Variants in ZNF574 observed in about 807,000 individuals in gnomAD.
The protein encoded by ZNF574 is zinc finger protein 574.
ZNF574 carries 25 observed loss-of-function variants against 56.6 expected under a neutral mutation model. The ratio of observed to expected loss-of-function variants is 0.44; its 90% CI spans 0.32 to 0.62. The LOEUF is 0.62. Among genes scored for constraint, ZNF574 ranks in the 20% least tolerant of loss-of-function variants. The pLI is 0.04. For missense variants in ZNF574, 1,065 were observed against 1,218.9 expected (o/e 0.87, Z 1.88); for synonymous variants, 543 against 492.1 (o/e 1.10, Z -1.37).
rs1427797529 is a variant in ZNF574 at position 42,079,094 on chromosome 19, G to C, written c.488G>C (p.Gly163Ala). 1 of 1,614,140 alleles carries C rather than the reference G, an allele frequency of 6.2e-7. No homozygotes were observed. The highest frequency in any genetic ancestry group is 1.1e-5 in the South Asian group (1 of 91,082). ...PTKAPAPVVLGSPVVLGPPVG... is the reference protein window; with the variant it reads ...PTKAPAPVVLASPVVLGPPVG... ...AAGGCTCCTGCCCCTGTTGTCCTGG[G>C]GTCCCCAGTTGTTCTAGGGCCTCCT... The change falls in exon 2 of 2, where the codon GGG becomes GCG. Residue 163 changes from glycine (G) to alanine (A), a missense_variant. Transcript: ENST00000359044. This position sits in a 1 kb window ranked among gnomAD's most constrained non-coding sequence, Gnocchi z 4.3.
chr19:42,071,410 C>A (rs1447659475), upstream of ZNF574, among the ~76,000 whole-genome samples: 1 of 152,138 alleles, frequency 6.6e-6, no homozygotes, highest in African/African-American at 2.4e-5. Context: ...CACTCACGTG[C>A]GGCCCACAGC....
At chr19:42,078,077 G>A (rs554728971) in intron 1 of ZNF574, among the ~76,000 whole-genome samples, 1 of 152,048 alleles carries the variant, frequency 6.6e-6, no homozygotes, top group African/African-American at 2.4e-5. Flanking sequence ...TGGTCTGAGT[G>A]TAAAAAGAAG....
Position 42,081,147 on chromosome 19 carries a change from G to A in ZNF574, c.2541G>A (p.Gln847=). ...AGCACCGCAAGACCCATCAGCAGCA[G>A]CATCAGGCAGCTGTGCGGCAGCAGC... ...LWKHRKTHQQ[Q]HQAAVRQQLA... Residue 847 remains glutamine (Q), a synonymous_variant, in exon 2 of 2, where the codon CAG becomes CAA. Transcript: ENST00000359044. 6.2e-7 allele frequency: 1 copy of A among 1,614,124 alleles called. No homozygotes were observed. The highest frequency in any genetic ancestry group is 8.5e-7 in the Non-Finnish European group (1 of 1,180,050).
In ZNF574 at chr19:42,079,080, C is replaced by T. The variant is rs374796869; in HGVS notation, c.474C>T (p.Ala158=). The change falls in exon 2 of 2, where the codon GCC becomes GCT. Residue 158 remains alanine, a synonymous_variant. Transcript: ENST00000359044. The surrounding 1 kb of genome is among the most constrained non-coding windows in gnomAD (Gnocchi z 4.3). ...HLRATPTKAP[A]PVVLGSPVVL... ...GGGCCACACCCACCAAGGCTCCTGC[C>T]CCTGTTGTCCTGGGGTCCCCAGTTG... 5.2e-5 allele frequency: 84 copies of T among 1,614,078 alleles called. No individual in the cohort carries two copies. The highest frequency in any genetic ancestry group is 6.7e-5 in the Non-Finnish European group (79 of 1,180,040).
At position 42,079,710 on chromosome 19, in the gene ZNF574, CTG is replaced by C. The variant is rs2076482943; in HGVS notation, c.1107_1108del (p.Cys369TrpfsTer67). The C allele has an allele frequency of 1.2e-6, 2 of 1,614,148 alleles. No homozygotes were observed. Among genetic ancestry groups the C allele is most frequent in the Non-Finnish European group, 1.7e-6 (2 of 1,180,030 alleles). On this transcript the variant is annotated frameshift_variant, in exon 2 of 2. Coordinates refer to ENST00000359044, the MANE Select transcript of ZNF574 (RefSeq NM_022752.6). LOFTEE classifies it high-confidence loss of function. The surrounding 1 kb of genome is among the most constrained non-coding windows in gnomAD (Gnocchi z 4.3). ...SSESHFLCVD[C>X]GLAFGTEALL... is the part of the protein sequence containing the mutation. ...GCGAGTCACACTTCCTGTGTGTAGA[CTG>C]TGGCCTGGCCTTCGGCACAGAGGCC...
In ZNF574 at chr19:42,079,696, T is replaced by C. The variant is rs1290231640; in HGVS notation, c.1090T>C (p.Phe364Leu). The change falls in exon 2 of 2, where the codon TTC becomes CTC. Residue 364 changes from phenylalanine (F) to leucine (L), a missense_variant. Physicochemically the swap from Phe to Leu is conservative, Grantham distance 22 (BLOSUM62 0). Coordinates refer to ENST00000359044, the MANE Select transcript of ZNF574 (RefSeq NM_022752.6). The surrounding 1 kb of genome is among the most constrained non-coding windows in gnomAD (Gnocchi z 4.3). ...TGGAGACCATAGCAGCGAGTCACAC[T>C]TCCTGTGTGTAGACTGTGGCCTGGC... is the stretch of plus-strand genomic sequence containing the variant. ...HLGDHSSESH[F>L]LCVDCGLAFG... The C allele has an allele frequency of 6.2e-7, 1 of 1,614,162 alleles. No individual in the cohort carries two copies. The highest frequency in any genetic ancestry group is 8.5e-7 in the Non-Finnish European group (1 of 1,180,022).
At chr19:42,072,028 C>A (rs1441417713), upstream of ZNF574, among the ~76,000 whole-genome samples, 3 of 150,762 alleles carry the variant, frequency 2.0e-5, no homozygotes, top group African/African-American at 7.3e-5. Flanking sequence ...AAAACAAAAA[C>A]CAACCACCAT....
rs767599339 is a variant in ZNF574, at chr19:42,079,106, T to C, written c.500T>C (p.Val167Ala). 12 of 1,613,990 alleles carry C rather than the reference T, an allele frequency of 7.4e-6. No individual in the cohort carries two copies. The highest frequency in any genetic ancestry group is 1.0e-5 in the Non-Finnish European group (12 of 1,179,996). ...CCTGTTGTCCTGGGGTCCCCAGTTGTTCTAGGGCCTCCTGTGGGCCAGGCC... is the reference window on the plus strand; with the variant it reads ...CCTGTTGTCCTGGGGTCCCCAGTTGCTCTAGGGCCTCCTGTGGGCCAGGCC... ...PAPVVLGSPV[V>A]LGPPVGQARV... The change falls in exon 2 of 2, where the codon GTT (valine) becomes GCT (alanine). Residue 167 changes from valine to alanine, a missense_variant. Val to Ala is a moderately conservative substitution (Grantham distance 64, BLOSUM62 0). Transcript: ENST00000359044. This position sits in a 1 kb window ranked among gnomAD's most constrained non-coding sequence, Gnocchi z 4.3.
At position 42,079,508 on chromosome 19, in the gene ZNF574, C is replaced by T. The variant is rs771857631; in HGVS notation, c.902C>T (p.Ala301Val). Reference protein sequence around the residue: ...RRARRNNSGEAGGAATQELFC... With the variant: ...RRARRNNSGEVGGAATQELFC... ...GCCCGGAGGAACAACAGTGGAGAAG[C>T]AGGCGGGGCAGCCACACAGGAGCTC... Residue 301 changes from alanine (A) to valine (V), a missense_variant, in exon 2 of 2, where the codon GCA becomes GTA. Ala to Val is a moderately conservative substitution (Grantham distance 64). Coordinates refer to ENST00000359044, the MANE Select transcript of ZNF574 (RefSeq NM_022752.6). This position sits in a 1 kb window ranked among gnomAD's most constrained non-coding sequence, Gnocchi z 4.3. The T allele has an allele frequency of 3.7e-6, 6 of 1,613,778 alleles. No homozygotes were observed. Among genetic ancestry groups the T allele is most frequent in the East Asian group, 2.2e-5 (1 of 44,892 alleles).
chr19:42,076,276 G>T lies in ZNF574; in HGVS notation c.-31G>T, dbSNP rs2076454631. The T allele has an allele frequency of 6.6e-6, 1 of 152,248 alleles. No individual in the cohort carries two copies. The highest frequency in any genetic ancestry group is 2.1e-4 in the South Asian group (1 of 4,832). 9.4% of individuals were successfully genotyped at this position (152,248 alleles called of 1,614,324 possible). ...GGCCCGGGCCCGGGGCGTGCGAGACGGCGGAAGCAGGTGAGCGCGAGCGGG... is the reference window on the plus strand; with the variant it reads ...GGCCCGGGCCCGGGGCGTGCGAGACTGCGGAAGCAGGTGAGCGCGAGCGGG... On this transcript the variant is annotated 5_prime_UTR_variant, in exon 1 of 2. Transcript: ENST00000359044.
chr19:42,072,398 C>G (rs2076430428), upstream of ZNF574, among the ~76,000 whole-genome samples: 1 of 151,634 alleles, frequency 6.6e-6, no homozygotes, highest in African/African-American at 2.4e-5. Flanking sequence ...CCACACCCGG[C>G]TAACTTTTTT....
upstream of ZNF574, chr19:42,075,077 AG>A: frequency 6.6e-6 from 1 of 152,256 alleles, no homozygotes; most frequent in South Asian, 2.1e-4. Flanking sequence ...TAAAGATGGT[AG>A]TTTCACCAGG....
At chr19:42,078,557 C>T (rs369689815) in intron 1 of ZNF574, 30 bp from the exon 2 acceptor site, 1 of 1,571,464 alleles carries the variant, frequency 6.4e-7, no homozygotes, top group Non-Finnish European at 8.7e-7. Context: ...GGTGACCTAA[C>T]TGGTTTGTCC....
At chr19:42,077,790 G>A (rs905226063) in intron 1 of ZNF574, among the ~76,000 whole-genome samples, 1 of 152,124 alleles carries the variant, frequency 6.6e-6, no homozygotes, top group African/African-American at 2.4e-5. Flanking sequence ...TCTGGATAGG[G>A]GGTTAGGGTT....
At chr19:42,071,631 C>T (rs902531794), upstream of ZNF574, among the ~76,000 whole-genome samples, 1 of 152,202 alleles carries the variant, frequency 6.6e-6, no homozygotes, top group African/African-American at 2.4e-5. Flanking sequence ...CAAACATCCA[C>T]ACTTAACTCC....
chr19:42,077,259 A>C (rs1438861372), intron 1 of ZNF574, among the ~76,000 whole-genome samples: 2 of 151,928 alleles, frequency 1.3e-5, no homozygotes, highest in Non-Finnish European at 2.9e-5. Flanking sequence ...TGAGAATAGG[A>C]GGTCCGGGTA....
At chr19:42,073,831 AAAAAAAAAAAAT>A, upstream of ZNF574, among the ~76,000 whole-genome samples, 1 of 149,898 alleles carries the variant, frequency 6.7e-6, no homozygotes, top group African/African-American at 2.5e-5. Flanking sequence ...AAAAAAAAAA[AAAAAAAAAAAAT>A]TAGGGACTGG....
chr19:42,079,712 G>C lies in ZNF574; in HGVS notation c.1106G>C (p.Cys369Ser). ...GAGTCACACTTCCTGTGTGTAGACT[G>C]TGGCCTGGCCTTCGGCACAGAGGCC... ...SSESHFLCVDCGLAFGTEALL... is the reference protein window; with the variant it reads ...SSESHFLCVDSGLAFGTEALL... The change falls in exon 2 of 2, where the codon TGT becomes TCT. Residue 369 changes from cysteine to serine, a missense_variant. Transcript: ENST00000359044. The surrounding 1 kb of genome is among the most constrained non-coding windows in gnomAD (Gnocchi z 4.3). 6.2e-7 allele frequency: 1 copy of C among 1,614,082 alleles called. No individual in the cohort carries two copies. The highest frequency in any genetic ancestry group is 8.5e-7 in the Non-Finnish European group (1 of 1,180,008).
rs761634384 is a variant in ZNF574, at chr19:42,080,224, C to G, written c.1618C>G (p.Arg540Gly). The G allele has an allele frequency of 6.2e-7, 1 of 1,613,798 alleles. No individual in the cohort carries two copies. Among genetic ancestry groups the G allele is most frequent in the Non-Finnish European group, 8.5e-7 (1 of 1,179,914 alleles). The change falls in exon 2 of 2, where the codon CGC (arginine) becomes GGC (glycine). Residue 540 changes from arginine to glycine, a missense_variant. By Grantham distance (125) the Arg-to-Gly change is moderately radical. Transcript: ENST00000359044. The surrounding 1 kb of genome is among the most constrained non-coding windows in gnomAD (Gnocchi z 8.5). ...CTTCAACTCACCTGCCAACCTGGCC[C>G]GCCACCGGCTCACACACACAGGAGA... ...KPFNSPANLA[R>G]HRLTHTGERP...
Sources: allele counts gnomAD v4.1 joint callset (sites outside exome capture counted in the v4.1 genomes callset), GRCh38; gene constraint gnomAD v4.1.1; non-coding constraint Gnocchi (gnomAD v3.1); transcripts MANE v1.5; gene names NCBI Gene and HGNC (gene_info 2026-07-23, HGNC 2026-07-21).